Variants in RAD51B observed in about 807,000 individuals in gnomAD.
The protein encoded by RAD51B is DNA repair protein RAD51 homolog 2.
RAD51B carries 38 observed loss-of-function variants against 42.2 expected under a neutral mutation model. The observed-to-expected ratio is 0.90, with a 90% confidence interval of 0.70 to 1.18. The LOEUF is 1.18. Among genes scored for constraint, RAD51B ranks in the 50% most tolerant of loss-of-function variants. The pLI, the probability that RAD51B is intolerant of heterozygous loss-of-function variation, is 0.00. For synonymous variants in RAD51B, 154 were observed against 145.2 expected (o/e 1.06, Z -0.43); for missense variants, 373 against 400.7 (o/e 0.93, Z 0.59).
intron 10 of RAD51B, among the ~76,000 whole-genome samples, chr14:68,602,310 A>G (rs1891250522): frequency 1.3e-5 from 2 of 151,946 alleles, no homozygotes; most frequent in African/African-American, 4.8e-5. Context: ...ACATAGACAT[A>G]TGTTCACATA....
intron 8 of RAD51B, among the ~76,000 whole-genome samples, chr14:68,314,501 T>G (rs1299871728): frequency 6.6e-6 from 1 of 152,210 alleles, no homozygotes; most frequent in Non-Finnish European, 1.5e-5. Flanking sequence ...CTGCTGATCA[T>G]TCAGCCCCTG....
chr14:67,830,976 A>G (rs1463971168), intron 3 of RAD51B, among the ~76,000 whole-genome samples: 4 of 151,914 alleles, frequency 2.6e-5, no homozygotes, highest in African/African-American at 9.7e-5. Context: ...CCCACGTTCA[A>G]GTGATTCTCC....
chr14:67,866,868 C>G (rs918775066), intron 5 of RAD51B, among the ~76,000 whole-genome samples: 12 of 152,154 alleles, frequency 7.9e-5, no homozygotes, highest in African/African-American at 2.9e-4. Flanking sequence ...ACATCAGAGG[C>G]AGGTTGGAAA....
chr14:67,823,721 C>A, intron 2 of RAD51B, 94 bp downstream of exon 2: 6 of 916,230 alleles, frequency 6.5e-6, no homozygotes, highest in South Asian at 5.7e-5. Context: ...AAAATGTAGG[C>A]TTACAAAAAA....
At chr14:68,173,172 G>C (rs2078904402) in intron 7 of RAD51B, among the ~76,000 whole-genome samples, 1 of 152,174 alleles carries the variant, frequency 6.6e-6, no homozygotes. Flanking sequence ...GTACACTCAT[G>C]TATACTTAGC....
intron 8 of RAD51B, among the ~76,000 whole-genome samples, chr14:68,347,037 G>A (rs1296487436): frequency 6.6e-6 from 1 of 151,986 alleles, no homozygotes; most frequent in Non-Finnish European, 1.5e-5. Flanking sequence ...TCACCCTTAG[G>A]AAGAATGAAG....
intron 8 of RAD51B, among the ~76,000 whole-genome samples, chr14:68,392,626 C>T (rs547947008): frequency 2.0e-4 from 30 of 152,188 alleles, no homozygotes; most frequent in Non-Finnish European, 3.4e-4. Flanking sequence ...TCACAAGGGG[C>T]TGGTGAATAA....
intron 9 of RAD51B, among the ~76,000 whole-genome samples, chr14:68,417,399 T>C (rs1016237757): frequency 2.6e-5 from 4 of 152,170 alleles, no homozygotes; most frequent in Non-Finnish European, 5.9e-5. Context: ...GTCAAGTACA[T>C]TATCTTGGGT....
chr14:68,286,596 A>C (rs2081418414), intron 7 of RAD51B, among the ~76,000 whole-genome samples: 1 of 152,178 alleles, frequency 6.6e-6, no homozygotes, highest in Non-Finnish European at 1.5e-5. Flanking sequence ...CTTCACCTGT[A>C]CATTCTAGTA....
At chr14:68,594,631 G>A (rs1421432318) in exon 11 of RAD51B, 2 of 1,284,814 alleles carry the variant, frequency 1.6e-6, no homozygotes, top group Admixed American at 2.3e-5. Flanking sequence ...GTCTCATTAT[G>A]TTGCCCAAGC....
intron 7 of RAD51B, among the ~76,000 whole-genome samples, chr14:67,892,793 G>A (rs1272461008): frequency 1.3e-5 from 2 of 152,204 alleles, no homozygotes; most frequent in Admixed American, 1.3e-4. Flanking sequence ...CAATAGAAAT[G>A]CTGGACATTA....
At chr14:68,124,871 C>G (rs1337639691) in intron 7 of RAD51B, 1 of 151,952 alleles carries the variant, frequency 6.6e-6, no homozygotes, top group African/African-American at 2.4e-5. Context: ...ATCACTTGAA[C>G]CCGGGAGGTG....
At chr14:67,939,695 G>A (rs992467560) in intron 7 of RAD51B, among the ~76,000 whole-genome samples, 3 of 151,996 alleles carry the variant, frequency 2.0e-5, no homozygotes, top group African/African-American at 7.3e-5. Context: ...AGATCAGGGT[G>A]GAAGCATGGT....
chr14:68,372,677 T>G (rs1351147411), intron 8 of RAD51B, among the ~76,000 whole-genome samples: 1 of 152,168 alleles, frequency 6.6e-6, no homozygotes, highest in African/African-American at 2.4e-5. Context: ...AAAGTTCTGT[T>G]TGGCTCTTTT....
chr14:68,158,055 T>C (rs543707713), intron 7 of RAD51B, among the ~76,000 whole-genome samples: 124 of 152,294 alleles, frequency 8.1e-4, no homozygotes, highest in African/African-American at 2.9e-3. Context: ...AAATGAATAA[T>C]AGGCCACATT....
In RAD51B at chr14:68,256,642, G is replaced by A. The variant is rs557994935; in HGVS notation, c.757-35242G>A. 3.1e-4 allele frequency among the ~76,000 whole-genome samples: 47 copies of A among 152,250 alleles called. 1 individual carries two copies. The South Asian group carries it at 8.9e-3, about 29-fold the overall frequency. Reference sequence around the variant, plus strand: ...CTCTCAAACTGTTTTCTTTCGTCCTGTGTAAACTTTGCTTTTTCTCTGAGG... The same window carrying A: ...CTCTCAAACTGTTTTCTTTCGTCCTATGTAAACTTTGCTTTTTCTCTGAGG... On this transcript the variant is annotated intron_variant, in intron 7 of 10. Coordinates refer to ENST00000471583, the MANE Select transcript of RAD51B (RefSeq NM_133510.4).
At chr14:67,918,427 G>T (rs1186050458) in intron 7 of RAD51B, among the ~76,000 whole-genome samples, 1 of 152,048 alleles carries the variant, frequency 6.6e-6, no homozygotes, top group African/African-American at 2.4e-5. Flanking sequence ...TAGAGACAGG[G>T]TTTCACCATG....
chr14:68,567,652 T>A (rs1032128074), intron 10 of RAD51B, among the ~76,000 whole-genome samples: 1 of 152,238 alleles, frequency 6.6e-6, no homozygotes, highest in Non-Finnish European at 1.5e-5. Context: ...GTATACCTAC[T>A]TTTTATCATC....
intron 8 of RAD51B, among the ~76,000 whole-genome samples, chr14:68,379,529 G>A (rs1468879624): frequency 6.6e-6 from 1 of 152,122 alleles, no homozygotes; most frequent in African/African-American, 2.4e-5. Flanking sequence ...TTGTCTGCCT[G>A]CAGTTAACCA....
Sources: gnomAD v4.1 joint callset for allele counts (sites outside exome capture counted in the v4.1 genomes callset) on GRCh38, gnomAD v4.1.1 for gene constraint, MANE v1.5 for transcripts, NCBI Gene and HGNC (gene_info 2026-07-23, HGNC 2026-07-21) for gene names.